Variants in CAMTA1 observed in about 807,000 individuals in gnomAD.
CAMTA1 encodes calmodulin binding transcription activator 1, also known as calmodulin-binding transcription activator 1.
Under a neutral mutation model 170.9 loss-of-function variants are expected in CAMTA1, and 27 were observed. The observed-to-expected ratio is 0.16, with a 90% confidence interval of 0.12 to 0.22. CAMTA1 has a LOEUF of 0.22. Ranked by LOEUF, CAMTA1 falls within the 10% of genes least tolerant of loss-of-function variation. The pLI, the probability that CAMTA1 is intolerant of heterozygous loss-of-function variation, is 1.00. For synonymous variants in CAMTA1, 833 were observed against 891.5 expected (o/e 0.93, Z 1.17); for missense variants, 1,619 against 2,217.2 (o/e 0.73, Z 5.42).
chr1:7,320,649 G>GTTTTTTTTTT (rs55683398), intron 5 of CAMTA1, among the ~76,000 whole-genome samples: 196 of 80,242 alleles, frequency 2.4e-3, no homozygotes, highest in East Asian at 3.6e-3. Context: ...TGCTGTGTGT[G>GTTTTTTTTTT]TTTTTTTTTT....
intron 3 of CAMTA1, chr1:6,888,315 T>C: frequency 2.2e-6 from 2 of 919,934 alleles, no homozygotes; most frequent in Non-Finnish European, 2.6e-6. Context: ...CATAAAGCTT[T>C]TGTTGTGATT....
intron 11 of CAMTA1, among the ~76,000 whole-genome samples, chr1:7,723,591 G>T (rs1260617568): frequency 1.3e-5 from 2 of 152,182 alleles, no homozygotes; most frequent in East Asian, 1.9e-4. Context: ...GAGAAAAATT[G>T]TAACTTCACA....
intron 3 of CAMTA1, among the ~76,000 whole-genome samples, chr1:6,855,347 G>A (rs1458527168): frequency 1.3e-5 from 2 of 151,660 alleles, no homozygotes; most frequent in Non-Finnish European, 2.9e-5. Context: ...TCCACAGGCG[G>A]TTCAGGAAGC....
chr1:7,277,977 T>C lies in CAMTA1; in HGVS notation c.438+28351T>C, dbSNP rs188302988. Among the ~76,000 whole-genome samples the C allele has an allele frequency of 3.5e-4, 54 of 152,334 alleles. No individual in the cohort carries two copies. The East Asian group carries it at 9.6e-3, about 27-fold the overall frequency. ...ACCGTGAGAAAGATCCTTGTATCTT[T>C]ATTTATAGTAAGCCCTCAACAAATA... On this transcript the variant is annotated intron_variant, in intron 5 of 22. Transcript: ENST00000303635.
At chr1:7,075,104 G>T (rs890059605) in intron 3 of CAMTA1, among the ~76,000 whole-genome samples, 17 of 152,154 alleles carry the variant, frequency 1.1e-4, no homozygotes, top group Admixed American at 1.1e-3. Flanking sequence ...TTCTTATTCT[G>T]TATTTCTCTT....
At chr1:7,244,593 G>A (rs1311656541) in intron 4 of CAMTA1, among the ~76,000 whole-genome samples, 1 of 152,140 alleles carries the variant, frequency 6.6e-6, no homozygotes, top group African/African-American at 2.4e-5. Flanking sequence ...CCTTTGTAGG[G>A]ACATGGATGA....
chr1:7,279,537 A>G (rs1671210003), intron 5 of CAMTA1, among the ~76,000 whole-genome samples: 1 of 152,172 alleles, frequency 6.6e-6, no homozygotes, highest in Admixed American at 6.5e-5. Context: ...CAGAATGTCA[A>G]GCAGCTCGGT....
intron 4 of CAMTA1, among the ~76,000 whole-genome samples, chr1:7,203,859 T>C (rs1486480725): frequency 6.7e-6 from 1 of 149,954 alleles, no homozygotes; most frequent in Non-Finnish European, 1.5e-5. Context: ...CGAGACGGAG[T>C]CTCACTCTGT....
chr1:7,550,779 C>A (rs1193157), intron 6 of CAMTA1, among the ~76,000 whole-genome samples: 1 of 111,686 alleles, frequency 9.0e-6, no homozygotes, highest in Non-Finnish European at 1.8e-5. Flanking sequence ...CCTCTCCTAC[C>A]TGACCGTCTT....
chr1:7,271,620 C>A (rs1475672029), intron 5 of CAMTA1, among the ~76,000 whole-genome samples: 2 of 120,090 alleles, frequency 1.7e-5, no homozygotes, highest in Non-Finnish European at 3.7e-5. Context: ...AGATACAATA[C>A]CCCCAAAACT....
chr1:7,633,996 C>T lies in CAMTA1; in HGVS notation c.511-6404C>T, dbSNP rs1392258499. 6.6e-6 allele frequency among the ~76,000 whole-genome samples: 1 copy of T among 152,164 alleles called. No homozygotes were observed. The highest frequency in any genetic ancestry group is 1.5e-5 in the Non-Finnish European group (1 of 68,032). ...GATCTGGGGAATGGGGTGGCGGGAG[C>T]CAGGTGCATGAGGCAGGCAGCGGCC... On this transcript the variant is annotated intron_variant, in intron 6 of 22. Coordinates refer to ENST00000303635, the MANE Select transcript of CAMTA1 (RefSeq NM_015215.4). The surrounding 1 kb of genome is among the most constrained non-coding windows in gnomAD (Gnocchi z 4.1).
intron 3 of CAMTA1, among the ~76,000 whole-genome samples, chr1:6,961,540 C>T (rs1181387974): frequency 1.5e-5 from 2 of 134,076 alleles, no homozygotes; most frequent in African/African-American, 5.5e-5. Context: ...CAGTGGCAGC[C>T]TGGGCTGAGC....
intron 3 of CAMTA1, among the ~76,000 whole-genome samples, chr1:6,853,959 T>A (rs1661321572): frequency 6.6e-6 from 1 of 152,158 alleles, no homozygotes; most frequent in African/African-American, 2.4e-5. Context: ...CTGCAATTCA[T>A]AGTGGAAAGT....
intron 5 of CAMTA1, among the ~76,000 whole-genome samples, chr1:7,411,896 TA>T (rs2090793197): frequency 6.7e-6 from 1 of 149,908 alleles, no homozygotes; most frequent in African/African-American, 2.5e-5. Context: ...CTCCTAATGC[TA>T]TCCCTCCCCC....
At chr1:7,210,671 A>T (rs761248298) in intron 4 of CAMTA1, among the ~76,000 whole-genome samples, 3 of 152,212 alleles carry the variant, frequency 2.0e-5, no homozygotes, top group Non-Finnish European at 4.4e-5. Context: ...TGCATGCCAG[A>T]TGGTGATTTT....
chr1:6,960,611 G>C (rs1390868268), intron 3 of CAMTA1, among the ~76,000 whole-genome samples: 2 of 152,162 alleles, frequency 1.3e-5, no homozygotes, highest in Non-Finnish European at 2.9e-5. Context: ...ACAGCACTCT[G>C]TTGATACCTC....
intron 4 of CAMTA1, among the ~76,000 whole-genome samples, chr1:7,147,379 G>A (rs1394558189): frequency 6.0e-5 from 9 of 149,428 alleles, no homozygotes; most frequent in East Asian, 6.0e-4. Flanking sequence ...AGCCGAGATC[G>A]TGCCACTGCA....
At chr1:7,276,303 A>ATATATATATTTTTTTTTTTTTTTTTT in intron 5 of CAMTA1, among the ~76,000 whole-genome samples, 3 of 24,232 alleles carry the variant, frequency 1.2e-4, no homozygotes, top group Non-Finnish European at 1.8e-4. Context: ...ATATATATAT[A>ATATATATATTTTTTTTTTTTTTTTTT]TTTTTTTTTT....
chr1:6,853,184 A>G (rs1008540876), intron 3 of CAMTA1: 4 of 152,246 alleles, frequency 2.6e-5, no homozygotes, highest in Admixed American at 2.0e-4. Context: ...AAGGAGAAAT[A>G]AGATGGTAAA....
Sources: gnomAD v4.1 joint callset for allele counts (sites outside exome capture counted in the v4.1 genomes callset) on GRCh38, gnomAD v4.1.1 for gene constraint, Gnocchi (gnomAD v3.1) non-coding constraint, MANE v1.5 for transcripts, NCBI Gene and HGNC (gene_info 2026-07-23, HGNC 2026-07-21) for gene names.